Variants in ELAVL4 observed in about 807,000 individuals in gnomAD.
The protein encoded by ELAVL4 is ELAV-like protein 4.
In ELAVL4, 1 loss-of-function variant was observed where a neutral mutation model predicts 35.6. The observed-to-expected ratio is 0.03, with a 90% confidence interval of 0.01 to 0.13. The LOEUF (loss-of-function observed/expected upper bound fraction) is 0.13. Among genes scored for constraint, ELAVL4 ranks in the 10% least tolerant of loss-of-function variants. The pLI is 1.00. For missense variants in ELAVL4, 267 were observed against 464.9 expected (o/e 0.57, Z 3.91); for synonymous variants, 156 against 171.0 (o/e 0.91, Z 0.69).
intron 3 of ELAVL4, chr1:50,180,635 A>G (rs1159092480): frequency 6.6e-6 from 1 of 152,186 alleles, no homozygotes; most frequent in Non-Finnish European, 1.5e-5. Flanking sequence ...TCCAATGCAT[A>G]GTGTGGATGG....
At chr1:50,186,439 T>C (rs1352946922) in intron 3 of ELAVL4, among the ~76,000 whole-genome samples, 1 of 152,098 alleles carries the variant, frequency 6.6e-6, no homozygotes, top group African/African-American at 2.4e-5. Flanking sequence ...TCAGGATGCC[T>C]GTAGTGGGAG....
chr1:50,070,360 G>T (rs1186906211), intron 1 of ELAVL4, among the ~76,000 whole-genome samples: 1 of 152,006 alleles, frequency 6.6e-6, no homozygotes, highest in Non-Finnish European at 1.5e-5. Context: ...GGGAGAATGG[G>T]GTCCTCTATG....
chr1:50,188,957 T>C (rs185012367), intron 3 of ELAVL4, among the ~76,000 whole-genome samples: 1 of 152,308 alleles, frequency 6.6e-6, no homozygotes, highest in Admixed American at 6.5e-5. Context: ...TTTGTTTACT[T>C]TCCTTTCCAG....
At chr1:50,053,286 A>G (rs1663486432) in intron 1 of ELAVL4, among the ~76,000 whole-genome samples, 1 of 152,182 alleles carries the variant, frequency 6.6e-6, no homozygotes, top group African/African-American at 2.4e-5. Flanking sequence ...TTGACAAACA[A>G]TTGCTCATGT....
chr1:50,116,251 A>C (rs1359077211), intron 1 of ELAVL4, among the ~76,000 whole-genome samples: 1 of 152,058 alleles, frequency 6.6e-6, no homozygotes, highest in Non-Finnish European at 1.5e-5. Flanking sequence ...CTTGCTTCTG[A>C]TGTAAGTGGC....
At chr1:50,197,392 T>C (rs1306359406) in intron 5 of ELAVL4, 37 bp from the exon 6 acceptor site, 1 of 1,559,540 alleles carries the variant, frequency 6.4e-7, no homozygotes, top group Non-Finnish European at 8.6e-7. Context: ...TTGCCATCTG[T>C]GAGGCATTAA....
chr1:50,048,707 G>A (rs1663201131), intron 1 of ELAVL4, among the ~76,000 whole-genome samples: 2 of 152,178 alleles, frequency 1.3e-5, no homozygotes, highest in Admixed American at 6.5e-5. Context: ...CACAGGGAGG[G>A]CAGCACCCTC....
intron 2 of ELAVL4, among the ~76,000 whole-genome samples, chr1:50,175,232 A>T (rs1314169459): frequency 6.6e-6 from 1 of 152,160 alleles, no homozygotes; most frequent in African/African-American, 2.4e-5. Context: ...TAGGTGAATT[A>T]TTTAGCTAGG....
At chr1:50,116,297 G>A (rs1421202414) in intron 1 of ELAVL4, among the ~76,000 whole-genome samples, 1 of 152,080 alleles carries the variant, frequency 6.6e-6, no homozygotes, top group Non-Finnish European at 1.5e-5. Context: ...CCTCCCAGGA[G>A]CATCTGAACA....
At chr1:50,118,531 C>A (rs1459943443) in intron 1 of ELAVL4, among the ~76,000 whole-genome samples, 1 of 151,790 alleles carries the variant, frequency 6.6e-6, no homozygotes, top group Non-Finnish European at 1.5e-5. Context: ...GGAAAACAAC[C>A]ACAAAAGCCT....
intron 1 of ELAVL4, among the ~76,000 whole-genome samples, chr1:50,121,697 A>G (rs1250372646): frequency 6.6e-6 from 1 of 152,084 alleles, no homozygotes; most frequent in African/African-American, 2.4e-5. Context: ...GCAATGCAAG[A>G]TCTCTAGTAT....
rs902685471 is a variant in ELAVL4, at chr1:50,203,423, A to G, written c.*2245A>G. Reference sequence around the variant, plus strand: ...GGTTTTGGATATAACACCAGATTTCAGTTCAGAGAACACTCGTTCAACATT... The same window carrying G: ...GGTTTTGGATATAACACCAGATTTCGGTTCAGAGAACACTCGTTCAACATT... On this transcript the variant is annotated 3_prime_UTR_variant, in exon 7 of 7. Transcript: ENST00000371824. The G allele has an allele frequency of 2.0e-5, 3 of 151,952 alleles. No homozygotes were observed. Among genetic ancestry groups the G allele is most frequent in the African/African-American group, 7.3e-5 (3 of 41,346 alleles). The allele number at this position is 151,952 out of a possible 1,614,324, so 9.4% of individuals were successfully genotyped here.
chr1:50,178,147 C>T (rs924422499), intron 3 of ELAVL4, among the ~76,000 whole-genome samples: 1 of 152,182 alleles, frequency 6.6e-6, no homozygotes, highest in Non-Finnish European at 1.5e-5. Context: ...AGCTGCCAGC[C>T]AATTAATGAG....
At chr1:50,102,458 C>A (rs1276167701), upstream of ELAVL4, among the ~76,000 whole-genome samples, 2 of 151,502 alleles carry the variant, frequency 1.3e-5, no homozygotes, top group Admixed American at 1.3e-4. Context: ...TTTCTTCCTT[C>A]TTTCTCCTCC....
intron 3 of ELAVL4, among the ~76,000 whole-genome samples, chr1:50,184,673 A>G (rs758153262): frequency 1.3e-5 from 2 of 152,160 alleles, no homozygotes; most frequent in Admixed American, 6.5e-5. Flanking sequence ...CATTAGTTTG[A>G]TCCTATATTT....
chr1:50,136,029 A>G (rs1350528092), intron 1 of ELAVL4, among the ~76,000 whole-genome samples: 1 of 152,122 alleles, frequency 6.6e-6, no homozygotes, highest in African/African-American at 2.4e-5. Context: ...AAAGTGTTGC[A>G]TTTCAAAAAA....
intron 1 of ELAVL4, among the ~76,000 whole-genome samples, chr1:50,135,613 G>A (rs775151858): frequency 1.1e-4 from 17 of 152,084 alleles, no homozygotes; most frequent in Non-Finnish European, 2.1e-4. Flanking sequence ...ATAAACTTGT[G>A]TTGAATTGAA....
chr1:50,095,030 T>C (rs1665663425), intron 1 of ELAVL4, among the ~76,000 whole-genome samples: 1 of 152,186 alleles, frequency 6.6e-6, no homozygotes, highest in Non-Finnish European at 1.5e-5. Context: ...ACTGTTATCC[T>C]GTATGCTTGG....
At chr1:50,156,659 A>G (rs1333540207) in intron 2 of ELAVL4, among the ~76,000 whole-genome samples, 2 of 152,218 alleles carry the variant, frequency 1.3e-5, no homozygotes, top group Non-Finnish European at 2.9e-5. Context: ...TACAGTAGGT[A>G]CACATTAGTG....
Sources: allele counts gnomAD v4.1 joint callset (sites outside exome capture counted in the v4.1 genomes callset), GRCh38; gene constraint gnomAD v4.1.1; transcripts MANE v1.5; gene names NCBI Gene and HGNC (gene_info 2026-07-23, HGNC 2026-07-21).